Variants in BCR observed in about 807,000 individuals in gnomAD.
BCR encodes the protein BCR activator of RhoGEF and GTPase.
Under a neutral mutation model 138.6 loss-of-function variants are expected in BCR, and 58 were observed. The observed-to-expected ratio is 0.42, with a 90% CI of 0.34 to 0.52. BCR has a LOEUF of 0.52. Ranked by LOEUF, BCR falls within the 20% of genes least tolerant of loss-of-function variation. BCR has a pLI of 0.06. For synonymous variants in BCR, 786 were observed against 730.1 expected (o/e 1.08, Z -1.23); for missense variants, 1,599 against 1,727.2 (o/e 0.93, Z 1.32).
At chr22:23,304,097 CTATTT>C (rs749725570) in intron 16 of BCR, among the ~76,000 whole-genome samples, 3 of 96,284 alleles carry the variant, frequency 3.1e-5, no homozygotes, top group African/African-American at 1.4e-4. Context: ...CCATGCCAGG[CTATTT>C]TTTTTTTTTT....
At chr22:23,182,297 C>A (rs1239908390) in intron 1 of BCR, 58 bp downstream of exon 1, 1 of 1,456,638 alleles carries the variant, frequency 6.9e-7, no homozygotes, top group African/African-American at 1.4e-5. Flanking sequence ...AAACCATAGA[C>A]GAGTAGGGGA....
At position 23,222,104 on chromosome 22, in the gene BCR, A is replaced by AAAGAG. The variant is rs1555876401; in HGVS notation, c.1280-31694_1280-31693insAGAGA. Among the ~76,000 whole-genome samples, 1,300 of 151,714 alleles carry AAAGAG rather than the reference A, an allele frequency of 8.6e-3. 15 individuals are homozygous for AAAGAG. Among genetic ancestry groups the AAAGAG allele is most frequent in the African/African-American group, 0.03 (1,224 of 41,032 alleles). Reference sequence around the variant, plus strand: ...AGACTCTGTCTCAAAAAACAAAAAAAAGAGAGAGAAGTGATAGCCCTCCCC... The same window carrying AAAGAG: ...AGACTCTGTCTCAAAAAACAAAAAAAAAGAGAGAGAGAGAAGTGATAGCCCTCCCC... On this transcript the variant is annotated intron_variant, in intron 1 of 22. Coordinates refer to ENST00000305877, the MANE Select transcript of BCR (RefSeq NM_004327.4).
chr22:23,295,671 G>A (rs1333664061), intron 16 of BCR, among the ~76,000 whole-genome samples: 1 of 152,118 alleles, frequency 6.6e-6, no homozygotes, highest in Non-Finnish European at 1.5e-5. Flanking sequence ...GGCTAATCTG[G>A]AAGCCCCCAG....
intron 16 of BCR, among the ~76,000 whole-genome samples, chr22:23,296,102 G>A (rs1477765564): frequency 0.081 from 5 of 62 alleles, no homozygotes; most frequent in East Asian, 0.5. Flanking sequence ...CAGGCTGGGC[G>A]TGGTGCTCAC....
intron 15 of BCR, among the ~76,000 whole-genome samples, chr22:23,293,167 G>A (rs2073808708): frequency 6.6e-6 from 1 of 152,116 alleles, no homozygotes; most frequent in South Asian, 2.1e-4. Flanking sequence ...GGGAGTAGGG[G>A]AATGATTGCA....
chr22:23,285,037 A>T lies in BCR; in HGVS notation c.2242A>T (p.Thr748Ser), dbSNP rs766418004. The change falls in exon 10 of 23, where the codon ACG becomes TCG. Residue 748 changes from threonine (T) to serine (S), a missense_variant. Around this residue, in one of 4 missense-constraint regions of BCR, gnomAD observed 590 missense variants for 762.4 expected, o/e 0.77. Coordinates refer to ENST00000305877, the MANE Select transcript of BCR (RefSeq NM_004327.4). The part of the protein sequence containing the change: ...TKLKKQSGGK[T>S]QQYDCKWYIP... The stretch of plus-strand genomic sequence containing the variant: ...TTCTTCTCTCCCCATCCCCAGCAAA[A>T]CGCAGCAGTATGACTGCAAATGGTA... The T allele has an allele frequency of 1.9e-6, 3 of 1,612,616 alleles. No individual in the cohort carries two copies. In the African/African-American group the frequency reaches 4.0e-5, roughly 22 times the overall value.
At chr22:23,240,268 A>G (rs1352390356) in intron 1 of BCR, among the ~76,000 whole-genome samples, 1 of 151,042 alleles carries the variant, frequency 6.6e-6, no homozygotes, top group Non-Finnish European at 1.5e-5. Context: ...CTGTACTTCT[A>G]TTCTTTTGTT....
In BCR at chr22:23,181,953, C is replaced by T. The variant is rs766873720; in HGVS notation, c.993C>T (p.Asp331=). 6.2e-7 allele frequency: 1 copy of T among 1,613,124 alleles called. No individual in the cohort carries two copies. Among genetic ancestry groups the T allele is most frequent in the Non-Finnish European group, 8.5e-7 (1 of 1,179,922 alleles). ...FEDCGGGYTP[D]CSSNENLTSS... Reference sequence around the variant, plus strand: ...ATTGCGGAGGCGGCTATACCCCGGACTGCAGCTCCAATGAGAACCTCACCT... The same window carrying T: ...ATTGCGGAGGCGGCTATACCCCGGATTGCAGCTCCAATGAGAACCTCACCT... Residue 331 remains aspartate (D), a synonymous_variant, in exon 1 of 23, where the codon GAC becomes GAT. Transcript: ENST00000305877.
Position 23,252,427 on chromosome 22 carries a change from C to CTTTTTTTTTTTTTTTTTTTTT in BCR, c.1280-1368_1280-1367insTTTTTTTTTTTTTTTTTTTTT, listed in dbSNP as rs371986661. On this transcript the variant is annotated intron_variant, in intron 1 of 22. Transcript: ENST00000305877. Reference sequence around the variant, plus strand: ...TTGGGTTTCCCTTTCTTTTTCTTTTCTTTTCTTTTTTTTTTTTTTTTGAGA... The same window carrying CTTTTTTTTTTTTTTTTTTTTT: ...TTGGGTTTCCCTTTCTTTTTCTTTTCTTTTTTTTTTTTTTTTTTTTTTTTTCTTTTTTTTTTTTTTTTGAGA... Among the ~76,000 whole-genome samples the CTTTTTTTTTTTTTTTTTTTTT allele has an allele frequency of 1.7e-5, 2 of 119,496 alleles. 1 individual carries two copies. The highest frequency in any genetic ancestry group is 3.3e-5 in the Non-Finnish European group (2 of 59,926). The allele number at this position is 119,496 out of a possible 152,430, so 78.4% of individuals were successfully genotyped here. A position where few individuals can be genotyped will look rare whatever the true frequency, so the allele number is the denominator to read the frequency against.
rs565036913 is a variant in BCR, at chr22:23,183,341, AGTTGAATGTGCTTG to A, written c.1279+1106_1279+1119del. On this transcript the variant is annotated intron_variant, in intron 1 of 22. Coordinates refer to ENST00000305877, the MANE Select transcript of BCR (RefSeq NM_004327.4). Reference sequence around the variant, plus strand: ...ATTTTTCTTTTTCTGCTGATGGAGGAGTTGAATGTGCTTGGTTTGTCAAAATCCTCTTCAAACGA... The same window carrying A: ...ATTTTTCTTTTTCTGCTGATGGAGGAGTTTGTCAAAATCCTCTTCAAACGA... Among the ~76,000 whole-genome samples, 294 of 152,162 alleles carry A rather than the reference AGTTGAATGTGCTTG, an allele frequency of 1.9e-3. 3 individuals carry two copies. Among genetic ancestry groups the A allele is most frequent in the Middle Eastern group, 6.8e-3 (2 of 294 alleles).
rs75939557 is a variant in BCR, at chr22:23,273,273, G to A, written c.1974+140G>A. 1,578 of 937,122 alleles carry A rather than the reference G, an allele frequency of 1.7e-3. 17 individuals carry two copies. In the African/African-American group the frequency reaches 0.023, roughly 14 times the overall value. 58.1% of individuals were successfully genotyped at this position (937,122 alleles called of 1,614,324 possible). On this transcript the variant is annotated intron_variant, in intron 7 of 22. Coordinates refer to ENST00000305877, the MANE Select transcript of BCR (RefSeq NM_004327.4). ...TGGCATCTAATGGGTAGAGGCCTGG[G>A]GTGGTGTTGGACATTCTGTAGGGAA...
intron 1 of BCR, among the ~76,000 whole-genome samples, chr22:23,222,772 C>A (rs2072840805): frequency 6.6e-6 from 1 of 152,174 alleles, no homozygotes; most frequent in Admixed American, 6.5e-5. Context: ...GAGGTGGTTA[C>A]CTGGGCAGAA....
intron 1 of BCR, among the ~76,000 whole-genome samples, chr22:23,225,331 C>T (rs533090447): frequency 6.6e-6 from 1 of 152,138 alleles, no homozygotes; most frequent in East Asian, 1.9e-4. Context: ...TCTCTGTCCC[C>T]ATCTGGGCTC....
chr22:23,212,081 C>T (rs909180371), intron 1 of BCR, among the ~76,000 whole-genome samples: 1 of 152,328 alleles, frequency 6.6e-6, no homozygotes, highest in East Asian at 1.9e-4. Flanking sequence ...CACTCTCTGA[C>T]CTCTGCAAGG....
intron 11 of BCR, among the ~76,000 whole-genome samples, chr22:23,287,764 G>T (rs1412549070): frequency 2.0e-5 from 3 of 152,232 alleles, no homozygotes; most frequent in Non-Finnish European, 4.4e-5. Flanking sequence ...TGGGGCTTGT[G>T]AATTGAATGC....
chr22:23,308,731 T>C (rs1185620290), intron 16 of BCR, among the ~76,000 whole-genome samples: 1 of 152,108 alleles, frequency 6.6e-6, no homozygotes. Flanking sequence ...GCTTCACGGA[T>C]GGGGGACATG....
chr22:23,258,127 C>A (rs960256458), intron 2 of BCR, among the ~76,000 whole-genome samples: 21 of 152,146 alleles, frequency 1.4e-4, no homozygotes, highest in African/African-American at 4.3e-4. Context: ...CTGTCCCCCC[C>A]ACACACATGT....
intron 1 of BCR, among the ~76,000 whole-genome samples, chr22:23,217,868 C>T (rs6003568): frequency 0.067 from 10,227 of 152,200 alleles, 1,163 homozygotes; most frequent in African/African-American, 0.23. Context: ...CGGTGATCTG[C>T]AGCTGTGGCC....
rs12484096 is a variant in BCR, at chr22:23,182,920, C to T, written c.1279+681C>T. On this transcript the variant is annotated intron_variant, in intron 1 of 22. Coordinates refer to ENST00000305877, the MANE Select transcript of BCR (RefSeq NM_004327.4). The stretch of plus-strand genomic sequence containing the variant: ...TATCTGGGGGTGAAGCAGAGCCACA[C>T]CCGTTCTGATCTGCCTGGCTTTGAT... Among the ~76,000 whole-genome samples, 1,415 of 152,300 alleles carry T rather than the reference C, an allele frequency of 9.3e-3. 71 individuals are homozygous for T. The highest frequency in any genetic ancestry group is 0.085 in the Admixed American group (1,296 of 15,292).
Sources: allele counts gnomAD v4.1 joint callset (sites outside exome capture counted in the v4.1 genomes callset), GRCh38; gene constraint gnomAD v4.1.1; regional missense constraint gnomAD v4.1.1; transcripts MANE v1.5; gene names NCBI Gene and HGNC (gene_info 2026-07-23, HGNC 2026-07-21).